The following PPP2R3A variants were observed in gnomAD, a reference collection of about 807,000 sequenced individuals.
The protein encoded by PPP2R3A is protein phosphatase 2 regulatory subunit B''alpha, also known as serine/threonine-protein phosphatase 2A regulatory subunit B'' subunit alpha.
In PPP2R3A, 80 loss-of-function variants were observed where a neutral mutation model predicts 106.9. The observed-to-expected ratio is 0.75, with a 90% CI of 0.62 to 0.90. PPP2R3A has a LOEUF of 0.90. PPP2R3A is among the 40% of genes least tolerant of loss of function. The pLI is 0.00. For missense variants in PPP2R3A, 1,386 were observed against 1,350.4 expected (o/e 1.03, Z -0.41); for synonymous variants, 483 against 468.3 (o/e 1.03, Z -0.41).
intron 6 of PPP2R3A, among the ~76,000 whole-genome samples, chr3:136,073,948 A>C (rs543340808): frequency 6.6e-6 from 1 of 152,376 alleles, no homozygotes; most frequent in South Asian, 2.1e-4. Context: ...TACCCTGCTC[A>C]CAGCAAAAAC....
At chr3:135,983,316 A>C (rs568998463) in intron 1 of PPP2R3A, among the ~76,000 whole-genome samples, 1 of 152,294 alleles carries the variant, frequency 6.6e-6, no homozygotes, top group African/African-American at 2.4e-5. Flanking sequence ...TATGCTGTGC[A>C]CTGGCTATGT....
intron 1 of PPP2R3A, among the ~76,000 whole-genome samples, chr3:135,967,101 A>T (rs1488862931): frequency 2.0e-5 from 3 of 151,998 alleles, no homozygotes; most frequent in Admixed American, 2.0e-4. Flanking sequence ...TTACACACAC[A>T]ATTTATTTAC....
chr3:135,983,466 A>G (rs1937565750), intron 1 of PPP2R3A, among the ~76,000 whole-genome samples: 1 of 152,222 alleles, frequency 6.6e-6, no homozygotes, highest in Non-Finnish European at 1.5e-5. Flanking sequence ...GCTTAATACT[A>G]AAAAGACAAG....
rs1209059778 is a variant in PPP2R3A, at chr3:136,001,298, CAT to C, written c.-200_-199del. ...TTATTAAATTATTAAATTTGCCACACATGTGCAGCAGCTACTGTATCCTGATA... is the reference window on the plus strand; with the variant it reads ...TTATTAAATTATTAAATTTGCCACACGTGCAGCAGCTACTGTATCCTGATA... On this transcript the variant is annotated 5_prime_UTR_variant, in exon 2 of 14. The change abolishes an upstream ATG in the 5' untranslated region. Coordinates refer to ENST00000264977, the MANE Select transcript of PPP2R3A (RefSeq NM_002718.5). 12 of 480,826 alleles carry C rather than the reference CAT, an allele frequency of 2.5e-5. No individual in the cohort carries two copies. The highest frequency in any genetic ancestry group is 4.0e-5 in the Non-Finnish European group (11 of 275,814). The allele number at this position is 480,826 out of a possible 1,614,324, so 29.8% of individuals were successfully genotyped here.
At position 136,066,837 on chromosome 3, in the gene PPP2R3A, A is replaced by G. The variant is rs117738060; in HGVS notation, c.2470-3641A>G. Among the ~76,000 whole-genome samples, 178 of 152,308 alleles carry G rather than the reference A, an allele frequency of 1.2e-3. No individual in the cohort carries two copies. The East Asian group carries it at 0.028, about 24-fold the overall frequency. On this transcript the variant is annotated intron_variant, in intron 5 of 13. Coordinates refer to ENST00000264977, the MANE Select transcript of PPP2R3A (RefSeq NM_002718.5). ...CCCATTTGCAACACTGAGGATTACA[A>G]TTCAACATAAGATTTGCCAGGGAAA...
intron 6 of PPP2R3A, among the ~76,000 whole-genome samples, chr3:136,074,108 T>C (rs1027771411): frequency 4.6e-5 from 7 of 152,242 alleles, no homozygotes; most frequent in African/African-American, 1.2e-4. Flanking sequence ...ACAATTAATA[T>C]GTTTGCATGC....
chr3:136,076,192 T>C (rs1026004708), intron 6 of PPP2R3A, among the ~76,000 whole-genome samples: 1 of 152,252 alleles, frequency 6.6e-6, no homozygotes, highest in Non-Finnish European at 1.5e-5. Context: ...GTCTTCCTTA[T>C]ATTGAAGCAT....
chr3:136,105,435 G>C (rs575296726), intron 12 of PPP2R3A, among the ~76,000 whole-genome samples: 77 of 152,280 alleles, frequency 5.1e-4, no homozygotes, highest in African/African-American at 1.7e-3. Flanking sequence ...AGACCAGCCT[G>C]GGCAACATAG....
At chr3:136,112,118 A>C (rs1937602594) in intron 13 of PPP2R3A, among the ~76,000 whole-genome samples, 1 of 152,162 alleles carries the variant, frequency 6.6e-6, no homozygotes. Context: ...AACCCTCAAC[A>C]AACTGGCATC....
At chr3:136,127,397 G>A (rs929460557) in intron 13 of PPP2R3A, among the ~76,000 whole-genome samples, 1 of 152,114 alleles carries the variant, frequency 6.6e-6, no homozygotes, top group Admixed American at 6.6e-5. Flanking sequence ...TCGATCAGGT[G>A]GAAGAAAGGG....
At chr3:136,054,598 T>C (rs1363512422) in intron 5 of PPP2R3A, among the ~76,000 whole-genome samples, 1 of 152,204 alleles carries the variant, frequency 6.6e-6, no homozygotes, top group Non-Finnish European at 1.5e-5. Context: ...GAATACAAAA[T>C]GCCTTTTTAT....
chr3:136,009,494 G>T (rs192386398), intron 2 of PPP2R3A, among the ~76,000 whole-genome samples: 1 of 152,244 alleles, frequency 6.6e-6, no homozygotes, highest in Non-Finnish European at 1.5e-5. Context: ...CAATACAGGA[G>T]CTTCTCAATT....
chr3:136,117,081 AACTC>A (rs1937794158), intron 13 of PPP2R3A, among the ~76,000 whole-genome samples: 1 of 152,198 alleles, frequency 6.6e-6, no homozygotes, highest in African/African-American at 2.4e-5. Context: ...GGGATTAAGA[AACTC>A]ACTCAAACCT....
At chr3:135,986,233 C>G (rs1932912874) in intron 1 of PPP2R3A, among the ~76,000 whole-genome samples, 2 of 152,144 alleles carry the variant, frequency 1.3e-5, no homozygotes, top group African/African-American at 4.8e-5. Context: ...TTGCTGATAA[C>G]TGCTCATGAG....
chr3:136,068,997 C>G (rs867627936), intron 5 of PPP2R3A, among the ~76,000 whole-genome samples: 1 of 152,078 alleles, frequency 6.6e-6, no homozygotes, highest in Middle Eastern at 3.4e-3. Flanking sequence ...AATAACTGAC[C>G]AAAACTCATT....
At chr3:136,076,465 T>G (rs1044633663) in intron 6 of PPP2R3A, among the ~76,000 whole-genome samples, 3 of 152,244 alleles carry the variant, frequency 2.0e-5, no homozygotes, top group Non-Finnish European at 4.4e-5. Flanking sequence ...AATACTGATA[T>G]ATGTGAAATA....
chr3:136,062,347 G>T (rs1936105671), intron 5 of PPP2R3A, among the ~76,000 whole-genome samples: 1 of 152,152 alleles, frequency 6.6e-6, no homozygotes, highest in South Asian at 2.1e-4. Context: ...GAAGAGAGAA[G>T]GTGGTAAAAT....
At chr3:136,122,637 C>CA (rs994243200) in intron 13 of PPP2R3A, among the ~76,000 whole-genome samples, 4 of 152,044 alleles carry the variant, frequency 2.6e-5, no homozygotes, top group Non-Finnish European at 5.9e-5. Context: ...TAAACAACAA[C>CA]AAAAAAATCT....
intron 7 of PPP2R3A, among the ~76,000 whole-genome samples, chr3:136,080,737 G>C (rs1042578986): frequency 1.3e-5 from 2 of 152,062 alleles, no homozygotes; most frequent in Non-Finnish European, 1.5e-5. Context: ...ATTTTATGTA[G>C]TTCTTAGTGG....
Sources: allele counts gnomAD v4.1 joint callset (sites outside exome capture counted in the v4.1 genomes callset), GRCh38; gene constraint gnomAD v4.1.1; transcripts MANE v1.5; gene names NCBI Gene and HGNC (gene_info 2026-07-23, HGNC 2026-07-21).